The following PACSIN2 variants were observed in gnomAD, a reference collection of about 807,000 sequenced individuals.
The protein encoded by PACSIN2 is protein kinase C and casein kinase substrate in neurons protein 2.
In PACSIN2, 25 loss-of-function variants were observed where a neutral mutation model predicts 63.8. That is an observed-to-expected ratio of 0.39 (90% CI 0.29 to 0.55). The LOEUF is 0.55. Ranked by LOEUF, PACSIN2 falls within the 20% of genes least tolerant of loss-of-function variation. The probability of loss-of-function intolerance (pLI) is 0.62; values close to 1 mark genes in which losing one functional copy is unlikely to be tolerated. For missense variants in PACSIN2, 518 were observed against 646.9 expected (o/e 0.80, Z 2.16); for synonymous variants, 255 against 256.2 (o/e 1.00, Z 0.05).
At chr22:42,999,292 G>A (rs921350500) in intron 1 of PACSIN2, among the ~76,000 whole-genome samples, 11 of 152,168 alleles carry the variant, frequency 7.2e-5, no homozygotes, top group Admixed American at 5.9e-4. Context: ...CAAGTACCTC[G>A]AAGGGGTCCA....
intron 1 of PACSIN2, among the ~76,000 whole-genome samples, chr22:42,977,441 A>C (rs1278750131): frequency 6.6e-6 from 1 of 152,250 alleles, no homozygotes; most frequent in Non-Finnish European, 1.5e-5. Context: ...ACCAGTACTC[A>C]GGAAAACACA....
chr22:42,919,548 G>A (rs1932026795), intron 1 of PACSIN2, among the ~76,000 whole-genome samples: 2 of 152,118 alleles, frequency 1.3e-5, no homozygotes, highest in African/African-American at 4.8e-5. Context: ...GCTGAGGCAG[G>A]CAGATCATGA....
intron 1 of PACSIN2, among the ~76,000 whole-genome samples, chr22:42,937,188 G>A (rs999667113): frequency 1.3e-5 from 2 of 152,134 alleles, no homozygotes; most frequent in Admixed American, 6.5e-5. Context: ...AGATAGGGAG[G>A]AGACAGAAAG....
chr22:42,873,095 A>G (rs1928298297), intron 10 of PACSIN2, among the ~76,000 whole-genome samples: 1 of 152,260 alleles, frequency 6.6e-6, no homozygotes, highest in Non-Finnish European at 1.5e-5. Context: ...TTGCATTGTT[A>G]AAAAGCAGGA....
intron 2 of PACSIN2, among the ~76,000 whole-genome samples, chr22:42,897,522 A>G (rs574383120): frequency 1.1e-4 from 17 of 152,326 alleles, no homozygotes; most frequent in Non-Finnish European, 2.5e-4. Flanking sequence ...CATTCACAAA[A>G]TCCTCATTTT....
rs1256841294 is a variant in PACSIN2, at chr22:43,007,773, A to G, written c.-78+7248T>C. Among the ~76,000 whole-genome samples, 5 of 152,336 alleles carry G rather than the reference A, an allele frequency of 3.3e-5. No homozygotes were observed. The East Asian group carries it at 9.6e-4, about 29-fold the overall frequency. ...CTATACTGAGCTGCCTTTACAGAGCAGCCATCATCTTTATCTCAGGATTCC... is the reference window on the plus strand; with the variant it reads ...CTATACTGAGCTGCCTTTACAGAGCGGCCATCATCTTTATCTCAGGATTCC... On this transcript the variant is annotated intron_variant, in intron 1 of 10. Transcript: ENST00000263246.
chr22:42,960,218 G>GA (rs1274430780), intron 1 of PACSIN2, among the ~76,000 whole-genome samples: 3 of 152,166 alleles, frequency 2.0e-5, no homozygotes, highest in Non-Finnish European at 4.4e-5. Context: ...GCTTACAAGA[G>GA]AAAAAAGACA....
chr22:42,913,480 C>CAAAAAAAAA (rs138842796), intron 1 of PACSIN2, among the ~76,000 whole-genome samples: 1 of 93,122 alleles, frequency 1.1e-5, no homozygotes, highest in Non-Finnish European at 2.2e-5. Context: ...ACTCCGTCTC[C>CAAAAAAAAA]AAAAAAAAAA....
At chr22:43,009,962 C>A (rs775896010) in intron 1 of PACSIN2, among the ~76,000 whole-genome samples, 10 of 150,860 alleles carry the variant, frequency 6.6e-5, no homozygotes, top group South Asian at 2.1e-4. Context: ...CTCTGCCTCC[C>A]GGGTTCTAGT....
chr22:42,940,882 TTTTC>T (rs1260594326), intron 1 of PACSIN2, among the ~76,000 whole-genome samples: 4 of 152,198 alleles, frequency 2.6e-5, no homozygotes, highest in Non-Finnish European at 1.5e-5. Flanking sequence ...TTCTTGCTAT[TTTTC>T]TAACAGTTTT....
chr22:42,876,835 G>GA, intron 9 of PACSIN2, 53 bp downstream of exon 9: 1 of 1,535,448 alleles, frequency 6.5e-7, no homozygotes, highest in Non-Finnish European at 9.0e-7. Flanking sequence ...AGAGAGAGAG[G>GA]AAGAGAGACA....
intron 1 of PACSIN2, among the ~76,000 whole-genome samples, chr22:42,942,479 A>C (rs1261759685): frequency 6.6e-6 from 1 of 152,164 alleles, no homozygotes; most frequent in Non-Finnish European, 1.5e-5. Context: ...AGAGTTTTAC[A>C]TCACTTATTA....
intron 1 of PACSIN2, among the ~76,000 whole-genome samples, chr22:42,923,316 G>A (rs1180668157): frequency 6.6e-6 from 1 of 152,214 alleles, no homozygotes; most frequent in East Asian, 1.9e-4. Context: ...AGACCACATT[G>A]CTGGTCTTAA....
intron 1 of PACSIN2, among the ~76,000 whole-genome samples, chr22:42,920,620 T>C (rs944715695): frequency 2.6e-5 from 4 of 151,970 alleles, no homozygotes; most frequent in East Asian, 1.9e-4. Flanking sequence ...GCACCGCCCA[T>C]GGTGGAGGAC....
intron 1 of PACSIN2, among the ~76,000 whole-genome samples, chr22:42,985,178 C>T (rs1227484984): frequency 6.6e-6 from 1 of 152,236 alleles, no homozygotes; most frequent in African/African-American, 2.4e-5. Context: ...AAATACAAAA[C>T]TCAGCCAGGA....
In PACSIN2 at chr22:43,009,599, C is replaced by T. The variant is rs986453344; in HGVS notation, c.-78+5422G>A. On this transcript the variant is annotated intron_variant, in intron 1 of 10. Transcript: ENST00000263246. ...GAAAACTGAGACCTGGAGTTCTGTG[C>T]TGATTGTCCCAGACCTCAGGGTTGG... Among the ~76,000 whole-genome samples the T allele has an allele frequency of 1.2e-4, 19 of 152,308 alleles. No individual in the cohort carries two copies. The South Asian group carries it at 3.7e-3, about 30-fold the overall frequency.
At chr22:42,945,369 C>T (rs1392921960) in intron 1 of PACSIN2, among the ~76,000 whole-genome samples, 3 of 152,088 alleles carry the variant, frequency 2.0e-5, no homozygotes, top group Non-Finnish European at 4.4e-5. Flanking sequence ...GGTTCTGTCC[C>T]AGGCCCTCTC....
In PACSIN2 at chr22:42,876,255, C is replaced by G. The variant is rs1156646492; in HGVS notation, c.1230G>C (p.Thr410=). 11 of 1,614,058 alleles carry G rather than the reference C, an allele frequency of 6.8e-6. No homozygotes were observed. Among genetic ancestry groups the G allele is most frequent in the Non-Finnish European group, 9.3e-6 (11 of 1,180,044 alleles). The stretch of plus-strand genomic sequence containing the variant: ...ATGGATTCGAGTCCCCATTGGCATC[C>G]GTGGAGGAGAAGGGGTTGTTAGACT... ...DDESNNPFSS[T]DANGDSNPFD... The change falls in exon 10 of 11, where the codon ACG becomes ACC. Residue 410 remains threonine (T), a synonymous_variant. Coordinates refer to ENST00000263246, the MANE Select transcript of PACSIN2 (RefSeq NM_001184970.3).
At chr22:42,963,550 A>AT (rs1475792166) in intron 1 of PACSIN2, among the ~76,000 whole-genome samples, 1 of 152,208 alleles carries the variant, frequency 6.6e-6, no homozygotes, top group Non-Finnish European at 1.5e-5. Context: ...CTTTTGTTAT[A>AT]TGATTGTCGC....
Sources: allele counts gnomAD v4.1 joint callset (sites outside exome capture counted in the v4.1 genomes callset), GRCh38; gene constraint gnomAD v4.1.1; transcripts MANE v1.5; gene names NCBI Gene and HGNC (gene_info 2026-07-23, HGNC 2026-07-21).